The following GIMD1 variants were observed in gnomAD, a reference collection of about 807,000 sequenced individuals.
GIMD1 encodes the protein GTPase IMAP family member GIMD1.
A neutral mutation model predicts 14.9 loss-of-function variants in GIMD1; 14 were observed. The ratio of observed to expected loss-of-function variants is 0.94; its 90% CI spans 0.62 to 1.47. The LOEUF (loss-of-function observed/expected upper bound fraction) is 1.47. Ranked by LOEUF, GIMD1 falls within the 40% of genes most tolerant of loss-of-function variation. GIMD1 has a pLI of 0.00. For synonymous variants in GIMD1, 91 were observed against 90.5 expected (o/e 1.01, Z -0.03); for missense variants, 272 against 255.3 (o/e 1.07, Z -0.44).
chr4:106,367,867 G>C (rs957476498), intron 1 of GIMD1, among the ~76,000 whole-genome samples: 1 of 152,134 alleles, frequency 6.6e-6, no homozygotes, highest in Non-Finnish European at 1.5e-5. Context: ...AGTAAGAATA[G>C]AACAGTAGAA....
Position 106,358,405 on chromosome 4 carries a change from A to G in GIMD1, c.432T>C (p.Ile144=). The change falls in exon 3 of 3, where the codon ATT becomes ATC. Residue 144 remains isoleucine (I), a synonymous_variant. Coordinates refer to ENST00000638719, the MANE Select transcript of GIMD1 (RefSeq NM_001195138.2). ...LGHAWMNYTA[I]LFTHAEKIEE... ...CTATTTTTTCTGCATGGGTAAAAAG[A>G]ATGGCTGTGTAATTCATCCAAGCAT... The G allele has an allele frequency of 1.3e-6, 2 of 1,526,070 alleles. No individual in the cohort carries two copies. Among genetic ancestry groups the G allele is most frequent in the South Asian group, 2.4e-5 (2 of 81,662 alleles). 94.5% of individuals were successfully genotyped at this position (1,526,070 alleles called of 1,614,324 possible).
chr4:106,360,345 G>A (rs1241024046), intron 2 of GIMD1, among the ~76,000 whole-genome samples: 1 of 151,868 alleles, frequency 6.6e-6, no homozygotes, highest in East Asian at 1.9e-4. Context: ...CAGTATATTA[G>A]GGAATAATTA....
chr4:106,360,614 C>T lies in GIMD1; in HGVS notation c.394-2171G>A, dbSNP rs145409319. Among the ~76,000 whole-genome samples, 4 of 152,046 alleles carry T rather than the reference C, an allele frequency of 2.6e-5. No homozygotes were observed. In the South Asian group the frequency reaches 6.2e-4, roughly 24 times the overall value. On this transcript the variant is annotated intron_variant, in intron 2 of 2. Coordinates refer to ENST00000638719, the MANE Select transcript of GIMD1 (RefSeq NM_001195138.2). The stretch of plus-strand genomic sequence containing the variant: ...TTGAAATTCCGATCCCCAGTTCTTC[C>T]GGATGTGATCTTATTTGGAAATAGG...
intron 2 of GIMD1, among the ~76,000 whole-genome samples, chr4:106,361,478 T>C (rs547990816): frequency 2.6e-5 from 4 of 152,154 alleles, no homozygotes; most frequent in Admixed American, 6.6e-5. Flanking sequence ...AGGTAATTAA[T>C]GTAATCAAGC....
At position 106,358,296 on chromosome 4, in the gene GIMD1, AT is replaced by A. The variant is rs1341840804; in HGVS notation, c.540del (p.Lys180AsnfsTer17). On this transcript the variant is annotated frameshift_variant, in exon 3 of 3. Coordinates refer to ENST00000638719, the MANE Select transcript of GIMD1 (RefSeq NM_001195138.2). LOFTEE classifies it high-confidence loss of function. Reference protein sequence around the residue: ...LKTLLNSIQHKYVFQYKKGKS... With the variant: ...LKTLLNSIQHXYVFQYKKGKS... Reference sequence around the variant, plus strand: ...TTTCCTTTTTTGTACTGGAAAACGTATTTGTGCTGAATAGAATTTAGCAGCG... The same window carrying A: ...TTTCCTTTTTTGTACTGGAAAACGTATTGTGCTGAATAGAATTTAGCAGCG... 15 of 1,532,710 alleles carry A rather than the reference AT, an allele frequency of 9.8e-6. No homozygotes were observed. The highest frequency in any genetic ancestry group is 1.3e-5 in the Non-Finnish European group (15 of 1,145,090). 94.9% of individuals were successfully genotyped at this position (1,532,710 alleles called of 1,614,324 possible).
intron 2 of GIMD1, among the ~76,000 whole-genome samples, chr4:106,365,949 A>T (rs1770693959): frequency 6.6e-6 from 1 of 151,704 alleles, no homozygotes; most frequent in African/African-American, 2.4e-5. Flanking sequence ...ACACACACAC[A>T]CACACACACA....
intron 2 of GIMD1, among the ~76,000 whole-genome samples, chr4:106,363,887 G>A (rs746875239): frequency 5.0e-5 from 7 of 141,258 alleles, no homozygotes; most frequent in East Asian, 2.4e-4. Flanking sequence ...CCATAATGGG[G>A]GGGGGGGGGC....
chr4:106,358,305 G>C lies in GIMD1; in HGVS notation c.532C>G (p.Gln178Glu). ...DTLKTLLNSI[Q>E]HKYVFQYKKG... Reference sequence around the variant, plus strand: ...TTGTACTGGAAAACGTATTTGTGCTGAATAGAATTTAGCAGCGTTTTCAGG... The same window carrying C: ...TTGTACTGGAAAACGTATTTGTGCTCAATAGAATTTAGCAGCGTTTTCAGG... The change falls in exon 3 of 3, where the codon CAG becomes GAG. Residue 178 changes from glutamine (Q) to glutamate (E), a missense_variant. By Grantham distance (29) the Gln-to-Glu change is conservative. Coordinates refer to ENST00000638719, the MANE Select transcript of GIMD1 (RefSeq NM_001195138.2). 6.5e-7 allele frequency: 1 copy of C among 1,533,588 alleles called. No individual in the cohort carries two copies. Among genetic ancestry groups the C allele is most frequent in the South Asian group, 1.2e-5 (1 of 83,810 alleles). 95.0% of individuals were successfully genotyped at this position (1,533,588 alleles called of 1,614,324 possible). A position where few individuals can be genotyped will look rare whatever the true frequency, so the allele number is the denominator to read the frequency against.
chr4:106,358,154 C>T lies in GIMD1; in HGVS notation c.*29G>A. The T allele has an allele frequency of 2.8e-6, 4 of 1,417,622 alleles. No homozygotes were observed. The highest frequency in any genetic ancestry group is 3.7e-6 in the Non-Finnish European group (4 of 1,077,768). 87.8% of individuals were successfully genotyped at this position (1,417,622 alleles called of 1,614,324 possible). A position where few individuals can be genotyped will look rare whatever the true frequency, so the allele number is the denominator to read the frequency against. On this transcript the variant is annotated 3_prime_UTR_variant, in exon 3 of 3. Transcript: ENST00000638719. ...TGTAGCTAGGTTTCTGACTCCAATA[C>T]CCAATGCTCCTTTCCTTTCACCTAA...
intron 2 of GIMD1, among the ~76,000 whole-genome samples, chr4:106,359,367 C>T (rs1404108829): frequency 6.6e-6 from 1 of 151,668 alleles, no homozygotes; most frequent in Non-Finnish European, 1.5e-5. Flanking sequence ...ATACAAAATG[C>T]CTAGGAATAA....
At chr4:106,361,631 A>C (rs1443880341) in intron 2 of GIMD1, among the ~76,000 whole-genome samples, 1 of 152,044 alleles carries the variant, frequency 6.6e-6, no homozygotes, top group Non-Finnish European at 1.5e-5. Context: ...GGTCATACTG[A>C]TTGTCAGATA....
chr4:106,362,252 A>C (rs1322237785), intron 2 of GIMD1, among the ~76,000 whole-genome samples: 1 of 152,134 alleles, frequency 6.6e-6, no homozygotes, highest in Non-Finnish European at 1.5e-5. Context: ...TAAAATCTTT[A>C]AGTCGATTTT....
chr4:106,362,057 G>T (rs533242969), intron 2 of GIMD1, among the ~76,000 whole-genome samples: 1 of 152,042 alleles, frequency 6.6e-6, no homozygotes, highest in Admixed American at 6.6e-5. Flanking sequence ...CTCATTCAGA[G>T]AACGTGAGTT....
At position 106,367,859 on chromosome 4, in the gene GIMD1, T is replaced by A. The variant is rs570045459; in HGVS notation, c.-2-422A>T. Among the ~76,000 whole-genome samples the A allele has an allele frequency of 5.7e-4, 87 of 152,284 alleles. 1 individual carries two copies. In the South Asian group the frequency reaches 0.017, roughly 30 times the overall value. On this transcript the variant is annotated intron_variant, in intron 1 of 2. Transcript: ENST00000638719. ...TAAAAGTTATTCACTATTGGAGAAG[T>A]AAGAATAGAACAGTAGAAGAAACAA... is the stretch of plus-strand genomic sequence containing the variant.
intron 2 of GIMD1, among the ~76,000 whole-genome samples, chr4:106,361,541 T>C (rs547642863): frequency 3.3e-5 from 5 of 152,138 alleles, no homozygotes; most frequent in Non-Finnish European, 7.4e-5. Context: ...GTACAGCTAT[T>C]GATCTTTGAT....
At chr4:106,359,035 C>T (rs191010168) in intron 2 of GIMD1, among the ~76,000 whole-genome samples, 141 of 151,992 alleles carry the variant, frequency 9.3e-4, no homozygotes, top group Non-Finnish European at 1.7e-3. Flanking sequence ...TAGAATGGAA[C>T]CCAATTTATC....
chr4:106,368,729 G>C lies in GIMD1; in HGVS notation c.-22C>G. 2.5e-6 allele frequency: 1 copy of C among 398,438 alleles called. No homozygotes were observed. The highest frequency in any genetic ancestry group is 4.4e-6 in the Non-Finnish European group (1 of 225,960). 24.7% of individuals were successfully genotyped at this position (398,438 alleles called of 1,614,324 possible). On this transcript the variant is annotated 5_prime_UTR_variant, in exon 1 of 3. Transcript: ENST00000638719. The stretch of plus-strand genomic sequence containing the variant: ...GCTTACCTTTTCCAGTCTTGAAAAT[G>C]CTTTCTCCACAAAGACGTCTCTCGC...
intron 2 of GIMD1, among the ~76,000 whole-genome samples, chr4:106,360,747 C>T (rs752349840): frequency 8.6e-5 from 13 of 151,912 alleles, no homozygotes; most frequent in Non-Finnish European, 1.8e-4. Context: ...ACGCAAGTCC[C>T]GGGAGAGTGC....
Position 106,368,698 on chromosome 4 carries a change from T to C in GIMD1, c.-3+12A>G. On this transcript the variant is annotated intron_variant, in intron 1 of 2. Transcript: ENST00000638719. ...TTATTCAATCCCAATCCATTTGCTA[T>C]ATTTCGCTTACCTTTTCCAGTCTTG... 2.5e-6 allele frequency: 1 copy of C among 398,482 alleles called. No homozygotes were observed. Among genetic ancestry groups the C allele is most frequent in the Non-Finnish European group, 4.4e-6 (1 of 225,944 alleles). The allele number at this position is 398,482 out of a possible 1,614,324, so 24.7% of individuals were successfully genotyped here.
Sources: gnomAD v4.1 joint callset for allele counts (sites outside exome capture counted in the v4.1 genomes callset) on GRCh38, gnomAD v4.1.1 for gene constraint, MANE v1.5 for transcripts, NCBI Gene and HGNC (gene_info 2026-07-23, HGNC 2026-07-21) for gene names.